The following PHF14 variants were observed in gnomAD, a reference collection of about 807,000 sequenced individuals.
The protein encoded by PHF14 is PHD finger protein 14.
PHF14 carries 55 observed loss-of-function variants against 117.9 expected under a neutral mutation model. That is an observed-to-expected ratio of 0.47 (90% CI 0.38 to 0.58). The LOEUF is 0.58. PHF14 is among the 20% of genes least tolerant of loss of function. The pLI is 0.00. For missense variants in PHF14, 978 were observed against 1,122.2 expected (o/e 0.87, Z 1.84); for synonymous variants, 409 against 368.6 (o/e 1.11, Z -1.26).
At chr7:11,006,350 T>G (rs1316589734) in intron 4 of PHF14, 3 of 435,800 alleles carry the variant, frequency 6.9e-6, no homozygotes, top group Non-Finnish European at 8.9e-6. Flanking sequence ...TCTTTTTTTT[T>G]CTGGTGAAAA....
chr7:11,114,315 G>A (rs1787530429), intron 17 of PHF14, among the ~76,000 whole-genome samples: 1 of 152,022 alleles, frequency 6.6e-6, no homozygotes, highest in Admixed American at 6.6e-5. Flanking sequence ...TGGACCAGGG[G>A]AAACTCTAAA....
chr7:11,168,778 G>T (rs546737009), intron 17 of PHF14, among the ~76,000 whole-genome samples: 6 of 152,058 alleles, frequency 3.9e-5, no homozygotes, highest in Non-Finnish European at 7.4e-5. Flanking sequence ...TACTTTGAAG[G>T]TTACCATTTA....
At chr7:11,084,990 T>C (rs998025389) in intron 16 of PHF14, among the ~76,000 whole-genome samples, 2 of 152,174 alleles carry the variant, frequency 1.3e-5, no homozygotes, top group Admixed American at 1.3e-4. Flanking sequence ...TTAAGGTTGT[T>C]GGGTTTTTTG....
intron 6 of PHF14, among the ~76,000 whole-genome samples, chr7:11,024,030 A>G (rs1583380652): frequency 6.6e-6 from 1 of 152,322 alleles, no homozygotes. Flanking sequence ...GTGCAAAGGA[A>G]AAGCTCTTGA....
At position 10,982,450 on chromosome 7, in the gene PHF14, A is replaced by G. The variant is rs1257880150; in HGVS notation, c.191A>G (p.Asn64Ser). 1.3e-6 allele frequency: 2 copies of G among 1,593,494 alleles called. No individual in the cohort carries two copies. The highest frequency in any genetic ancestry group is 1.7e-5 in the Admixed American group (1 of 58,098). The change falls in exon 3 of 18, where the codon AAT becomes AGT. Residue 64 changes from asparagine to serine, a missense_variant. Asn to Ser is a conservative substitution (Grantham distance 46). Transcript: ENST00000634607. ...GGTTCCTGTAGTGATTCTGAAGAAA[A>G]TATTTTAGAAGAAGAACTGAATGAA... ...GEGSCSDSEE[N>S]ILEEELNEDI... is the part of the protein sequence containing the mutation.
chr7:11,005,787 CTTTTTTTTTTTTT>C (rs951270672), intron 4 of PHF14, among the ~76,000 whole-genome samples: 2 of 84,448 alleles, frequency 2.4e-5, no homozygotes, highest in Non-Finnish European at 4.4e-5. Context: ...AGTAAAAATT[CTTTTTTTTTTTTT>C]TTTTTTTTTT....
chr7:11,049,299 AC>A (rs1381753065), intron 13 of PHF14, among the ~76,000 whole-genome samples: 1 of 151,982 alleles, frequency 6.6e-6, no homozygotes, highest in East Asian at 1.9e-4. Flanking sequence ...ATATAGTGAA[AC>A]CCTGTCTCTA....
At chr7:10,974,707 C>G (rs2128306304) in intron 1 of PHF14, 128 bp from the exon 2 acceptor site, 1 of 627,168 alleles carries the variant, frequency 1.6e-6, no homozygotes, top group East Asian at 2.8e-5. Flanking sequence ...CTCCTGACCC[C>G]TTTTGCTGAG....
intron 16 of PHF14, among the ~76,000 whole-genome samples, chr7:11,076,567 C>CTTTT (rs71023886): frequency 4.0e-5 from 5 of 124,754 alleles, no homozygotes; most frequent in Admixed American, 1.8e-4. Context: ...TTTTCTTTTT[C>CTTTT]TTTTTTTTTT....
intron 13 of PHF14, among the ~76,000 whole-genome samples, chr7:11,048,153 G>A (rs974594805): frequency 2.0e-5 from 3 of 152,102 alleles, no homozygotes; most frequent in Non-Finnish European, 4.4e-5. Context: ...AGTGTGCTAA[G>A]TAAAAATATA....
At chr7:11,044,739 A>G (rs966302248) in intron 13 of PHF14, among the ~76,000 whole-genome samples, 14 of 152,312 alleles carry the variant, frequency 9.2e-5, no homozygotes, top group East Asian at 3.9e-4. Flanking sequence ...ACTATTATCT[A>G]TGCTCTAGAG....
In PHF14 at chr7:11,042,557, A is replaced by T; in HGVS notation, c.2181-126A>T. On this transcript the variant is annotated intron_variant, in intron 12 of 17. Coordinates refer to ENST00000634607, the MANE Select transcript of PHF14 (RefSeq NM_001007157.2). ...GATGTGTTAATGAAAGAAATTGTCT[A>T]TCTCAACAGAAGAAATAGTAAGTTA... 6.8e-6 allele frequency: 4 copies of T among 591,036 alleles called. No homozygotes were observed. The South Asian group carries it at 9.8e-5, about 14-fold the overall frequency. 36.6% of individuals were successfully genotyped at this position (591,036 alleles called of 1,614,324 possible). A position where few individuals can be genotyped will look rare whatever the true frequency, so the allele number is the denominator to read the frequency against.
chr7:11,003,418 G>A (rs1209899836), intron 4 of PHF14, among the ~76,000 whole-genome samples: 2 of 152,100 alleles, frequency 1.3e-5, no homozygotes, highest in Non-Finnish European at 2.9e-5. Context: ...TGTTAAGCCA[G>A]TGTTTACCGT....
At chr7:11,135,893 A>G (rs1327600261) in intron 17 of PHF14, among the ~76,000 whole-genome samples, 1 of 152,204 alleles carries the variant, frequency 6.6e-6, no homozygotes, top group Non-Finnish European at 1.5e-5. Context: ...TTTATAGCTT[A>G]CATAATTTTC....
At chr7:11,086,204 T>C (rs1786403487) in intron 16 of PHF14, among the ~76,000 whole-genome samples, 1 of 152,140 alleles carries the variant, frequency 6.6e-6, no homozygotes, top group African/African-American at 2.4e-5. Flanking sequence ...TTTGTTACTA[T>C]TGTACTCAAA....
intron 16 of PHF14, among the ~76,000 whole-genome samples, chr7:11,070,224 C>T (rs115045790): frequency 4.6e-5 from 7 of 152,216 alleles, no homozygotes; most frequent in East Asian, 1.9e-4. Flanking sequence ...ACTACAAGTG[C>T]GCGCCACCAT....
intron 16 of PHF14, chr7:11,063,662 T>A: frequency 1.0e-6 from 1 of 962,776 alleles, no homozygotes; most frequent in South Asian, 4.8e-5. Flanking sequence ...TTTTATTAGG[T>A]TTTTTGTTTT....
At chr7:10,978,135 A>T (rs1371217931) in intron 2 of PHF14, among the ~76,000 whole-genome samples, 1 of 152,116 alleles carries the variant, frequency 6.6e-6, no homozygotes, top group East Asian at 1.9e-4. Flanking sequence ...TCAGCCTGAG[A>T]CTTTGGTGGT....
At chr7:11,154,297 C>T (rs1562488503) in intron 17 of PHF14, among the ~76,000 whole-genome samples, 2 of 151,978 alleles carry the variant, frequency 1.3e-5, no homozygotes, top group Non-Finnish European at 2.9e-5. Flanking sequence ...TGTACATTTG[C>T]ATGTATAAAA....
Sources: allele counts gnomAD v4.1 joint callset (sites outside exome capture counted in the v4.1 genomes callset), GRCh38; gene constraint gnomAD v4.1.1; transcripts MANE v1.5; gene names NCBI Gene and HGNC (gene_info 2026-07-23, HGNC 2026-07-21).